MYO1B: variants seen among roughly 807,000 people sequenced by gnomAD.
MYO1B encodes the protein unconventional myosin-Ib.
In MYO1B, 72 loss-of-function variants were observed where a neutral mutation model predicts 159.7. That is an observed-to-expected ratio of 0.45 (90% CI 0.37 to 0.55). The LOEUF (loss-of-function observed/expected upper bound fraction) is 0.55. Ranked by LOEUF, MYO1B falls within the 20% of genes least tolerant of loss-of-function variation. The pLI is 0.00. For synonymous variants in MYO1B, 468 were observed against 473.8 expected (o/e 0.99, Z 0.16); for missense variants, 1,062 against 1,364.8 (o/e 0.78, Z 3.50).
At chr2:191,323,002 G>T (rs1435777492) in intron 3 of MYO1B, among the ~76,000 whole-genome samples, 3 of 152,150 alleles carry the variant, frequency 2.0e-5, no homozygotes, top group Non-Finnish European at 4.4e-5. Flanking sequence ...TTATTCTTGA[G>T]TTTTCCAGGA....
At chr2:191,277,072 A>G (rs1299416278) in intron 2 of MYO1B, 42 bp downstream of exon 2, 1 of 1,589,694 alleles carries the variant, frequency 6.3e-7, no homozygotes, top group Non-Finnish European at 8.5e-7. Flanking sequence ...TAGACTTTGT[A>G]TTTTGTGCCA....
At chr2:191,385,778 ACTTTT>A (rs1308797612) in intron 15 of MYO1B, 101 bp from the exon 16 acceptor site, 2 of 1,199,826 alleles carry the variant, frequency 1.7e-6, no homozygotes, top group Non-Finnish European at 2.4e-6. Context: ...AACTGAACAG[ACTTTT>A]CTTGTGACTA....
intron 9 of MYO1B, among the ~76,000 whole-genome samples, chr2:191,362,983 T>G (rs1264828699): frequency 1.3e-5 from 2 of 152,110 alleles, no homozygotes; most frequent in East Asian, 3.9e-4. Flanking sequence ...TGAGGGTGAG[T>G]GAAAGGACAT....
intron 3 of MYO1B, among the ~76,000 whole-genome samples, chr2:191,320,862 C>G (rs1690665782): frequency 6.6e-6 from 1 of 151,944 alleles, no homozygotes; most frequent in Non-Finnish European, 1.5e-5. Flanking sequence ...AAAAATCAGA[C>G]AGTATGTACT....
intron 27 of MYO1B, among the ~76,000 whole-genome samples, 179 bp downstream of exon 27, chr2:191,411,351 C>CA (rs1697238231): frequency 6.6e-6 from 1 of 152,144 alleles, no homozygotes; most frequent in African/African-American, 2.4e-5. Flanking sequence ...TTCTATAGTG[C>CA]AGTTTAATGA....
At chr2:191,263,338 G>A (rs1686938000) in intron 1 of MYO1B, 1 of 984,978 alleles carries the variant, frequency 1.0e-6, no homozygotes, top group African/African-American at 1.7e-5. Context: ...ATGAACTGAA[G>A]GCTAAAGTGC....
chr2:191,325,928 T>A (rs1691031940), intron 3 of MYO1B, among the ~76,000 whole-genome samples: 1 of 151,886 alleles, frequency 6.6e-6, no homozygotes, highest in African/African-American at 2.4e-5. Context: ...CTAGGGAAAG[T>A]TTGGCTCTCA....
chr2:191,384,639 T>A (rs1695296176), intron 15 of MYO1B, among the ~76,000 whole-genome samples: 1 of 152,242 alleles, frequency 6.6e-6, no homozygotes, highest in Non-Finnish European at 1.5e-5. Flanking sequence ...ATTTTCCTGG[T>A]ACATTTTGTG....
intron 30 of MYO1B, among the ~76,000 whole-genome samples, chr2:191,418,482 ATTTTTTTTTT>A (rs1159016855): frequency 4.9e-5 from 4 of 81,068 alleles, no homozygotes; most frequent in South Asian, 5.0e-4. Context: ...TCTTTAGTGG[ATTTTTTTTTT>A]TTTTTTTTTT....
At chr2:191,335,447 A>G (rs1691767300) in intron 4 of MYO1B, among the ~76,000 whole-genome samples, 1 of 152,320 alleles carries the variant, frequency 6.6e-6, no homozygotes, top group Non-Finnish European at 1.5e-5. Flanking sequence ...TACTTACAGG[A>G]AAATAAAATG....
chr2:191,399,144 C>G (rs950527121), intron 21 of MYO1B, among the ~76,000 whole-genome samples: 11 of 152,106 alleles, frequency 7.2e-5, no homozygotes, highest in Non-Finnish European at 1.6e-4. Flanking sequence ...CACGCACCTG[C>G]AATCGCAGGC....
intron 13 of MYO1B, among the ~76,000 whole-genome samples, chr2:191,380,339 A>G (rs1368748360): frequency 6.6e-6 from 1 of 152,202 alleles, no homozygotes; most frequent in Non-Finnish European, 1.5e-5. Flanking sequence ...GCCTGTTCAC[A>G]AGGAGCAGTG....
intron 3 of MYO1B, among the ~76,000 whole-genome samples, chr2:191,315,170 T>TCCATCCATCCATCCATCCAC (rs1158226881): frequency 2.0e-5 from 3 of 151,756 alleles, no homozygotes; most frequent in African/African-American, 7.3e-5. Context: ...CATCCATCCA[T>TCCATCCATCCATCCATCCAC]CCATCCATCC....
Position 191,364,079 on chromosome 2 carries a change from G to A in MYO1B, c.914-79G>A, listed in dbSNP as rs180862992. On this transcript the variant is annotated intron_variant, in intron 10 of 30. Coordinates refer to ENST00000392318, the MANE Select transcript of MYO1B (RefSeq NM_001130158.3). ...GATCTGTTTGATTATGATTTAGAAA[G>A]AACATCCTAAGCCTTCAAAATTATT... is the stretch of plus-strand genomic sequence containing the variant. 2.2e-5 allele frequency: 29 copies of A among 1,316,952 alleles called. No individual in the cohort carries two copies. The African/African-American group carries it at 2.9e-4, about 13-fold the overall frequency. 81.6% of individuals were successfully genotyped at this position (1,316,952 alleles called of 1,614,324 possible).
intron 11 of MYO1B, among the ~76,000 whole-genome samples, chr2:191,367,790 C>A (rs1004462264): frequency 9.2e-5 from 14 of 152,036 alleles, no homozygotes; most frequent in African/African-American, 3.4e-4. Context: ...ATTATATAGC[C>A]TCATGAGGTA....
At chr2:191,304,462 C>CG (rs1243026522) in intron 3 of MYO1B, among the ~76,000 whole-genome samples, 2 of 151,922 alleles carry the variant, frequency 1.3e-5, no homozygotes, top group Non-Finnish European at 2.9e-5. Flanking sequence ...CCCAGCTACT[C>CG]GGGGGGCTGA....
chr2:191,399,528 G>T (rs1485559911), intron 21 of MYO1B, among the ~76,000 whole-genome samples: 1 of 152,156 alleles, frequency 6.6e-6, no homozygotes, highest in Admixed American at 6.5e-5. Context: ...AAAGTTTACT[G>T]ATCCCTGATC....
chr2:191,400,174 A>G (rs765277214), intron 21 of MYO1B, among the ~76,000 whole-genome samples: 3 of 152,086 alleles, frequency 2.0e-5, no homozygotes, highest in South Asian at 2.1e-4. Flanking sequence ...TGCTGTTCCA[A>G]TCAAGTGGAA....
chr2:191,311,845 T>C (rs903946814), intron 3 of MYO1B, among the ~76,000 whole-genome samples: 1 of 152,208 alleles, frequency 6.6e-6, no homozygotes, highest in Admixed American at 6.5e-5. Context: ...ACCTGGAATG[T>C]GGGTATAGGG....
Sources: allele counts gnomAD v4.1 joint callset (sites outside exome capture counted in the v4.1 genomes callset), GRCh38; gene constraint gnomAD v4.1.1; transcripts MANE v1.5; gene names NCBI Gene and HGNC (gene_info 2026-07-23, HGNC 2026-07-21).